PARP15: variants seen among roughly 807,000 people sequenced by gnomAD.
PARP15 encodes poly(ADP-ribose) polymerase family member 15.
A neutral mutation model predicts 62.1 loss-of-function variants in PARP15; 50 were observed. The observed-to-expected ratio is 0.81, with a 90% CI of 0.64 to 1.02. The LOEUF is 1.02. PARP15 is among the 50% of genes least tolerant of loss of function. The probability of loss-of-function intolerance (pLI) is 0.00; values close to 1 mark genes in which losing one functional copy is unlikely to be tolerated. For missense variants in PARP15, 820 were observed against 826.5 expected, an observed-to-expected ratio of 0.99 and a Z score of 0.10; for synonymous variants, 309 against 293.1, an observed-to-expected ratio of 1.05 and a Z score of -0.55.
intron 9 of PARP15, among the ~76,000 whole-genome samples, chr3:122,629,089 G>A (rs1936908192): frequency 6.6e-6 from 1 of 152,226 alleles, no homozygotes; most frequent in Non-Finnish European, 1.5e-5. Context: ...GTCCTTAAGT[G>A]TGATTGGCTT....
At chr3:122,604,890 G>A (rs182999121) in intron 1 of PARP15, among the ~76,000 whole-genome samples, 151 of 151,746 alleles carry the variant, frequency 1.0e-3, no homozygotes, top group African/African-American at 3.4e-3. Flanking sequence ...ACAGAAATTA[G>A]CGGGGTGTGG....
At chr3:122,599,347 T>A (rs1212198790) in intron 1 of PARP15, among the ~76,000 whole-genome samples, 2 of 150,744 alleles carry the variant, frequency 1.3e-5, no homozygotes, top group Non-Finnish European at 3.0e-5. Context: ...CACTCCAGCC[T>A]GGGCAACAGA....
In PARP15 at chr3:122,635,633, G is replaced by A. The variant is rs536164053; in HGVS notation, c.1748-178G>A. On this transcript the variant is annotated intron_variant, in intron 11 of 11. Coordinates refer to ENST00000464300, the MANE Select transcript of PARP15 (RefSeq NM_001113523.3). ...TCATAATGCTAGCCAGGCTGGTCTC[G>A]AACTCCTGGCCTTAAGCAATCCTCT... Among the ~76,000 whole-genome samples, 6 of 152,164 alleles carry A rather than the reference G, an allele frequency of 3.9e-5. No homozygotes were observed. In the East Asian group the frequency reaches 9.7e-4, roughly 25 times the overall value.
At chr3:122,602,467 C>G (rs930893661) in intron 1 of PARP15, among the ~76,000 whole-genome samples, 1 of 152,196 alleles carries the variant, frequency 6.6e-6, no homozygotes, top group Non-Finnish European at 1.5e-5. Context: ...TCTTCCTCTT[C>G]TCTATCTTCA....
At chr3:122,598,834 C>T (rs1194863129) in intron 1 of PARP15, among the ~76,000 whole-genome samples, 1 of 152,034 alleles carries the variant, frequency 6.6e-6, no homozygotes, top group African/African-American at 2.4e-5. Flanking sequence ...CACACCTAAG[C>T]CATCTATATA....
At chr3:122,609,762 A>G (rs1935432034) in intron 2 of PARP15, among the ~76,000 whole-genome samples, 1 of 152,124 alleles carries the variant, frequency 6.6e-6, no homozygotes, top group Admixed American at 6.6e-5. Context: ...CTTACTCCCA[A>G]CTTACCAGGG....
intron 1 of PARP15, among the ~76,000 whole-genome samples, chr3:122,596,094 C>T (rs1934317635): frequency 6.6e-6 from 1 of 151,854 alleles, no homozygotes. Flanking sequence ...TGCGGTGGCT[C>T]ACTCCTGTAA....
chr3:122,613,597 A>C (rs908668058), intron 4 of PARP15, among the ~76,000 whole-genome samples: 10 of 152,196 alleles, frequency 6.6e-5, no homozygotes, highest in African/African-American at 2.4e-4. Context: ...AGAATGAGAG[A>C]AGCCTCAAGG....
intron 1 of PARP15, among the ~76,000 whole-genome samples, chr3:122,592,769 A>G (rs1055788470): frequency 2.0e-5 from 3 of 152,324 alleles, no homozygotes; most frequent in African/African-American, 7.2e-5. Context: ...GGGTGAGGAA[A>G]CTAAGGCATA....
At position 122,626,823 on chromosome 3, in the gene PARP15, T is replaced by G; in HGVS notation, c.1232-4T>G. 1.2e-6 allele frequency: 2 copies of G among 1,602,692 alleles called. No homozygotes were observed. The highest frequency in any genetic ancestry group is 1.7e-6 in the Non-Finnish European group (2 of 1,176,906). Reference sequence around the variant, plus strand: ...ACTTCTTTGTCATTAAATTTTTTTTTCAGGAAATGCCGGAAAAAACCCTAT... The same window carrying G: ...ACTTCTTTGTCATTAAATTTTTTTTGCAGGAAATGCCGGAAAAAACCCTAT... On this transcript the variant is annotated splice_polypyrimidine_tract_variant and splice_region_variant and intron_variant, in intron 8 of 11. Transcript: ENST00000464300.
chr3:122,587,102 TTGTGTG>T (rs914615570), intron 1 of PARP15, among the ~76,000 whole-genome samples: 1 of 147,024 alleles, frequency 6.8e-6, no homozygotes, highest in African/African-American at 2.7e-5. Context: ...TCCTCTGTGT[TTGTGTG>T]TGTGTGTGTC....
rs139523464 is a variant in PARP15, at chr3:122,585,784, A to G, written c.186+7931A>G. 7.9e-5 allele frequency among the ~76,000 whole-genome samples: 12 copies of G among 152,330 alleles called. No homozygotes were observed. The East Asian group carries it at 2.3e-3, about 29-fold the overall frequency. On this transcript the variant is annotated intron_variant, in intron 1 of 11. Transcript: ENST00000464300. ...TGGACTCCATAAACTGCCATCCCCTATTCCATTTCTGGAACTTTAGACAGT... is the reference window on the plus strand; with the variant it reads ...TGGACTCCATAAACTGCCATCCCCTGTTCCATTTCTGGAACTTTAGACAGT...
intron 1 of PARP15, among the ~76,000 whole-genome samples, chr3:122,605,266 G>C (rs1233212555): frequency 6.6e-6 from 1 of 152,104 alleles, no homozygotes; most frequent in Non-Finnish European, 1.5e-5. Flanking sequence ...ACACCAGCAA[G>C]CCAAATGAGA....
rs574116589 is a variant in PARP15 at position 122,633,258 on chromosome 3, A to G, written c.1572+1039A>G. ...CTCAGTACCTAGGAAGCTGTCTAGC[A>G]CACAGTAGGACACAATATGTGTTGA... On this transcript the variant is annotated intron_variant, in intron 10 of 11. Coordinates refer to ENST00000464300, the MANE Select transcript of PARP15 (RefSeq NM_001113523.3). 5.9e-5 allele frequency among the ~76,000 whole-genome samples: 9 copies of G among 152,360 alleles called. No homozygotes were observed. The East Asian group carries it at 1.5e-3, about 26-fold the overall frequency.
intron 3 of PARP15, among the ~76,000 whole-genome samples, chr3:122,611,318 C>T (rs190906140): frequency 6.9e-4 from 105 of 152,206 alleles, no homozygotes; most frequent in African/African-American, 2.3e-3. Context: ...ATCCAACCAC[C>T]AAGAGATAAC....
rs750458687 is a variant in PARP15, at chr3:122,626,961, T to C, written c.1366T>C (p.Phe456Leu). ...TTTTCAACCTGAGCTGCTAAATATA[T>C]TCTACGACAGCATGAAAAAAAGAGA... is the stretch of plus-strand genomic sequence containing the variant. The part of the protein sequence containing the change: ...VIFQPELLNI[F>L]YDSMKKRDLS... The change falls in exon 9 of 12, where the codon TTC becomes CTC. Residue 456 changes from phenylalanine (F) to leucine (L), a missense_variant. By Grantham distance (22) the Phe-to-Leu change is conservative. Coordinates refer to ENST00000464300, the MANE Select transcript of PARP15 (RefSeq NM_001113523.3). 1.9e-6 allele frequency: 3 copies of C among 1,613,952 alleles called. No homozygotes were observed. Among genetic ancestry groups the C allele is most frequent in the African/African-American group, 1.3e-5 (1 of 74,900 alleles).
chr3:122,626,713 A>G (rs1323078453), intron 8 of PARP15, 114 bp from the exon 9 acceptor site: 6 of 897,784 alleles, frequency 6.7e-6, no homozygotes, highest in East Asian at 2.6e-5. Context: ...TGTCAGATCA[A>G]TTCCTGGCTG....
chr3:122,587,157 C>T (rs1359819422), intron 1 of PARP15, among the ~76,000 whole-genome samples: 3 of 152,244 alleles, frequency 2.0e-5, no homozygotes, highest in African/African-American at 4.8e-5. Context: ...ATGATAGTCC[C>T]TTGTTTGAAT....
chr3:122,616,761 C>G (rs1245194081), intron 5 of PARP15, among the ~76,000 whole-genome samples: 2 of 152,160 alleles, frequency 1.3e-5, no homozygotes, highest in Non-Finnish European at 2.9e-5. Flanking sequence ...CAGACTGACA[C>G]TATCGGATAT....
Sources: gnomAD v4.1 joint callset for allele counts (sites outside exome capture counted in the v4.1 genomes callset) on GRCh38, gnomAD v4.1.1 for gene constraint, MANE v1.5 for transcripts, NCBI Gene and HGNC (gene_info 2026-07-23, HGNC 2026-07-21) for gene names.